Variants in PLXNB2 observed in about 807,000 individuals in gnomAD.
PLXNB2 encodes plexin B2, also known as plexin-B2.
PLXNB2 carries 85 observed loss-of-function variants against 202.6 expected under a neutral mutation model. That is an observed-to-expected ratio of 0.42 (90% CI 0.35 to 0.50). The LOEUF is 0.50. PLXNB2 is among the 20% of genes least tolerant of loss of function. The pLI is 0.02. For missense variants in PLXNB2, 2,063 were observed against 2,586.2 expected (o/e 0.80, Z 4.39); for synonymous variants, 1,239 against 1,137.6 (o/e 1.09, Z -1.79).
chr22:50,298,145 G>C (rs1459751749), intron 1 of PLXNB2, among the ~76,000 whole-genome samples: 1 of 152,250 alleles, frequency 6.6e-6, no homozygotes, highest in African/African-American at 2.4e-5. Flanking sequence ...CAGTGAGCCG[G>C]GAAGGGGTGG....
chr22:50,277,523 A>G (rs2065689187), intron 33 of PLXNB2, 68 bp downstream of exon 33: 2 of 1,431,370 alleles, frequency 1.4e-6, no homozygotes, highest in African/African-American at 1.4e-5. Flanking sequence ...CAAGGTCCCA[A>G]CTCACAAGAT....
In PLXNB2 at chr22:50,275,981, A is replaced by T. The variant is rs774389993; in HGVS notation, c.5338-18T>A. The stretch of plus-strand genomic sequence containing the variant: ...GTGTGCGCCTGGGGGGTGACGGGAC[A>T]GTCAGGGTGGAAAAGGGGCTGTGGG... On this transcript the variant is annotated intron_variant, in intron 35 of 36. Coordinates refer to ENST00000359337, the MANE Select transcript of PLXNB2 (RefSeq NM_012401.4). The T allele has an allele frequency of 2.5e-6, 4 of 1,611,010 alleles. No homozygotes were observed. In the South Asian group the frequency reaches 4.4e-5, roughly 18 times the overall value.
Position 50,289,070 on chromosome 22 carries a change from C to T in PLXNB2, c.1141G>A (p.Gly381Ser), listed in dbSNP as rs1368115644. ...CCTCCACGCTGCAGCACGGCTGTGCCTCTGAGCCCGTCGCGGCTGCCCAGC... is the reference window on the plus strand; with the variant it reads ...CCTCCACGCTGCAGCACGGCTGTGCTTCTGAGCCCGTCGCGGCTGCCCAGC... ...YPLGSRDGLR[G>S]TAVLQRGGLN... Residue 381 changes from glycine (G) to serine (S), a missense_variant, in exon 4 of 37, where the codon GGC (glycine) becomes AGC (serine). Around this residue, in one of 2 missense-constraint regions of PLXNB2, gnomAD observed 1,303 missense variants for 1,476.8 expected, o/e 0.88. Coordinates refer to ENST00000359337, the MANE Select transcript of PLXNB2 (RefSeq NM_012401.4). The surrounding 1 kb of genome is among the most constrained non-coding windows in gnomAD (Gnocchi z 8.0). 1.2e-6 allele frequency: 2 copies of T among 1,604,090 alleles called. No homozygotes were observed. Among genetic ancestry groups the T allele is most frequent in the Non-Finnish European group, 1.7e-6 (2 of 1,175,026 alleles).
intron 11 of PLXNB2, among the ~76,000 whole-genome samples, chr22:50,285,257 C>T (rs1237995976): frequency 7.7e-6 from 1 of 129,622 alleles, no homozygotes; most frequent in African/African-American, 3.0e-5. Context: ...GGCACCCCTC[C>T]CTCCGCACCT....
intron 33 of PLXNB2, 36 bp from the exon 34 acceptor site, chr22:50,276,942 G>C: frequency 6.6e-7 from 1 of 1,519,564 alleles, no homozygotes. Flanking sequence ...CCTGGCCAAG[G>C]GGGCCAGGCT....
Position 50,287,776 on chromosome 22 carries a change from T to G in PLXNB2, c.1499A>C (p.Glu500Ala). ...GCTGGCCTCCTCGGCCCGCGGACACTCGGCCTTCCGGGTGCATCTGCAGGC... is the reference window on the plus strand; with the variant it reads ...GCTGGCCTCCTCGGCCCGCGGACACGCGGCCTTCCGGGTGCATCTGCAGGC... ...VVEGRCTRKA[E>A]CPRAEEASHW... Residue 500 changes from glutamate (E) to alanine (A), a missense_variant, in exon 7 of 37, where the codon GAG (glutamate) becomes GCG (alanine). Physicochemically the swap from Glu to Ala is moderately radical, Grantham distance 107. Around this residue, in one of 2 missense-constraint regions of PLXNB2, gnomAD observed 1,303 missense variants for 1,476.8 expected, o/e 0.88. Coordinates refer to ENST00000359337, the MANE Select transcript of PLXNB2 (RefSeq NM_012401.4). The G allele has an allele frequency of 6.3e-7, 1 of 1,585,888 alleles. No homozygotes were observed.
chr22:50,294,601 C>T (rs28510650), intron 2 of PLXNB2, 118 bp downstream of exon 2: 4,377 of 258,078 alleles, frequency 0.017, 198 homozygotes, highest in African/African-American at 0.094. Context: ...GTGACAGGTA[C>T]GGTTGAAACC....
chr22:50,287,008 T>G, intron 8 of PLXNB2, 103 bp downstream of exon 8: 1 of 1,184,918 alleles, frequency 8.4e-7, no homozygotes, highest in African/African-American at 1.6e-5. Flanking sequence ...GGAGTGTGCC[T>G]GTGCAGAGCC....
At position 50,291,490 on chromosome 22, in the gene PLXNB2, G is replaced by C. The variant is rs2066866086; in HGVS notation, c.-13-893C>G. On this transcript the variant is annotated intron_variant, in intron 2 of 36. Coordinates refer to ENST00000359337, the MANE Select transcript of PLXNB2 (RefSeq NM_012401.4). This position sits in a 1 kb window ranked among gnomAD's most constrained non-coding sequence, Gnocchi z 4.3. ...GGGGGATGTGTGGTGTGATGGGTGA[G>C]CTGCTGAGGACCAGGCTGAGCTGAG... 6.6e-6 allele frequency among the ~76,000 whole-genome samples: 1 copy of C among 152,152 alleles called. No individual in the cohort carries two copies.
rs2067587595 is a variant in PLXNB2, at chr22:50,300,132, G to A, written c.-73-5354C>T. 3 of 381,324 alleles carry A rather than the reference G, an allele frequency of 7.9e-6. No individual in the cohort carries two copies. The South Asian group carries it at 3.2e-4, about 41-fold the overall frequency. 23.6% of individuals were successfully genotyped at this position (381,324 alleles called of 1,614,324 possible). On this transcript the variant is annotated intron_variant, in intron 1 of 36. Transcript: ENST00000359337. The stretch of plus-strand genomic sequence containing the variant: ...GCCCCTCGGCCTCGCGCACCTGGAG[G>A]GAGCACGTGGCCGCCTCTGGGACAA...
At chr22:50,279,876 C>T in intron 26 of PLXNB2, 100 bp from the exon 27 acceptor site, 1 of 1,490,320 alleles carries the variant, frequency 6.7e-7, no homozygotes, top group Non-Finnish European at 9.3e-7. Context: ...CTGACCATGT[C>T]AGGGGCAGGA....
In PLXNB2 at chr22:50,275,936, C is replaced by T. The variant is rs763150093; in HGVS notation, c.5365G>A (p.Val1789Met). 10 of 1,612,608 alleles carry T rather than the reference C, an allele frequency of 6.2e-6. No individual in the cohort carries two copies. The highest frequency in any genetic ancestry group is 1.1e-5 in the South Asian group (1 of 91,076). The stretch of plus-strand genomic sequence containing the variant: ...TATTGGTAGAGCTGGTGGAGTGCCA[C>T]GAGGGTGTTCAAGGAGTCCGTGTGC... ...RAHTDSLNTL[V>M]ALHQLYQYTQ... The change falls in exon 36 of 37, where the codon GTG (valine) becomes ATG (methionine). Residue 1789 changes from valine to methionine, a missense_variant. By Grantham distance (21) the Val-to-Met change is conservative. Coordinates refer to ENST00000359337, the MANE Select transcript of PLXNB2 (RefSeq NM_012401.4).
At position 50,284,171 on chromosome 22, in the gene PLXNB2, C is replaced by T. The variant is rs370061884; in HGVS notation, c.2224G>A (p.Val742Ile). Reference sequence around the variant, plus strand: ...TCGATATTCTTGCCGTAAGACTTGACGTAGAGGTGCAGGGGCAGCGTCTCG... The same window carrying T: ...TCGATATTCTTGCCGTAAGACTTGATGTAGAGGTGCAGGGGCAGCGTCTCG... ...ANETLPLHLY[V>I]KSYGKNIDSK... The change falls in exon 13 of 37, where the codon GTC (valine) becomes ATC (isoleucine). Residue 742 changes from valine to isoleucine, a missense_variant. By Grantham distance (29) the Val-to-Ile change is conservative (BLOSUM62 3). Transcript: ENST00000359337. The surrounding 1 kb of genome is among the most constrained non-coding windows in gnomAD (Gnocchi z 8.0). 4.1e-5 allele frequency: 66 copies of T among 1,612,098 alleles called. No individual in the cohort carries two copies. The highest frequency in any genetic ancestry group is 1.9e-4 in the African/African-American group (14 of 74,750).
chr22:50,306,568 C>T (rs1275036138), intron 1 of PLXNB2, among the ~76,000 whole-genome samples: 2 of 149,926 alleles, frequency 1.3e-5, no homozygotes, highest in Non-Finnish European at 3.0e-5. Flanking sequence ...CAGGCTGCGC[C>T]GAACCTCCAA....
Position 50,278,820 on chromosome 22 carries a change from C to T in PLXNB2, c.4546+35G>A, listed in dbSNP as rs769760346. 75 of 1,600,612 alleles carry T rather than the reference C, an allele frequency of 4.7e-5. No individual in the cohort carries two copies. The East Asian group carries it at 1.1e-3, about 23-fold the overall frequency. ...CCAGGACACAGGCCAGGCACATGGGCGCCTGTGTGCAGACGGGCAGGGGCC... is the reference window on the plus strand; with the variant it reads ...CCAGGACACAGGCCAGGCACATGGGTGCCTGTGTGCAGACGGGCAGGGGCC... On this transcript the variant is annotated intron_variant, in intron 28 of 36. Transcript: ENST00000359337.
At chr22:50,292,652 C>T (rs888033068) in intron 2 of PLXNB2, among the ~76,000 whole-genome samples, 2 of 152,022 alleles carry the variant, frequency 1.3e-5, no homozygotes, top group Non-Finnish European at 2.9e-5. Flanking sequence ...TCTGCTGCTC[C>T]GTAGCCAGGG....
At position 50,276,741 on chromosome 22, in the gene PLXNB2, G is replaced by A. The variant is rs748300846; in HGVS notation, c.5262-37C>T. On this transcript the variant is annotated intron_variant, in intron 34 of 36. Transcript: ENST00000359337. ...GGAGCATCATACAGTGTGGGCGGCAGGGACCACAAAGGGGGTGGTGGGGGA... is the reference window on the plus strand; with the variant it reads ...GGAGCATCATACAGTGTGGGCGGCAAGGACCACAAAGGGGGTGGTGGGGGA... 6.2e-6 allele frequency: 10 copies of A among 1,603,868 alleles called. No individual in the cohort carries two copies. In the African/African-American group the frequency reaches 1.2e-4, roughly 19 times the overall value.
In PLXNB2 at chr22:50,282,772, A is replaced by T. The variant is rs1213523378; in HGVS notation, c.2926T>A (p.Phe976Ile). The T allele has an allele frequency of 4.4e-6, 7 of 1,593,448 alleles. No individual in the cohort carries two copies. The highest frequency in any genetic ancestry group is 2.3e-5 in the East Asian group (1 of 43,012). ...GGSPVPNPGI[F>I]FTYRENPVLR... is the part of the protein sequence containing the mutation. ...ACGGGGTTTTCGCGGTAGGTGAAGA[A>T]GATGCCGGGGTTGGGCACGGGGGAC... The change falls in exon 18 of 37, where the codon TTC becomes ATC. Residue 976 changes from phenylalanine (F) to isoleucine (I), a missense_variant. By Grantham distance (21) the Phe-to-Ile change is conservative (BLOSUM62 0). Transcript: ENST00000359337.
chr22:50,304,917 T>C (rs1036575566), intron 1 of PLXNB2, among the ~76,000 whole-genome samples: 2 of 152,160 alleles, frequency 1.3e-5, no homozygotes, highest in African/African-American at 4.8e-5. Flanking sequence ...CCAAACCGTG[T>C]CCAAGGCAGG....
Sources: gnomAD v4.1 joint callset for allele counts (sites outside exome capture counted in the v4.1 genomes callset) on GRCh38, gnomAD v4.1.1 for gene constraint, gnomAD v4.1.1 regional missense constraint, Gnocchi (gnomAD v3.1) non-coding constraint, MANE v1.5 for transcripts, NCBI Gene and HGNC (gene_info 2026-07-23, HGNC 2026-07-21) for gene names.